Variants in CACNB2 observed in about 807,000 individuals in gnomAD.
CACNB2 encodes calcium voltage-gated channel auxiliary subunit beta 2.
Under a neutral mutation model 73.3 loss-of-function variants are expected in CACNB2, and 42 were observed. That is an observed-to-expected ratio of 0.57 (90% CI 0.45 to 0.74). The LOEUF (loss-of-function observed/expected upper bound fraction) is 0.74. Ranked by LOEUF, CACNB2 falls within the 30% of genes least tolerant of loss-of-function variation. The pLI, the probability that CACNB2 is intolerant of heterozygous loss-of-function variation, is 0.00. For missense variants in CACNB2, 940 were observed against 853.0 expected, an observed-to-expected ratio of 1.10 and a Z score of -1.27; for synonymous variants, 348 against 310.3, an observed-to-expected ratio of 1.12 and a Z score of -1.28.
chr10:18,468,530 C>G (rs571634878), intron 3 of CACNB2, among the ~76,000 whole-genome samples: 19 of 152,162 alleles, frequency 1.2e-4, no homozygotes, highest in Non-Finnish European at 2.4e-4. Context: ...AAGTTCACCC[C>G]AAACTTAGTA....
chr10:18,194,244 T>C (rs945580457), intron 2 of CACNB2, among the ~76,000 whole-genome samples: 1 of 152,148 alleles, frequency 6.6e-6, no homozygotes, highest in Non-Finnish European at 1.5e-5. Flanking sequence ...TACACTAAGA[T>C]GTCTTTGCAG....
intron 3 of CACNB2, among the ~76,000 whole-genome samples, chr10:18,409,079 C>T (rs891646096): frequency 2.0e-5 from 3 of 151,976 alleles, no homozygotes; most frequent in Non-Finnish European, 4.4e-5. Context: ...AGATGGATCA[C>T]CTGAGGTCAG....
intron 3 of CACNB2, among the ~76,000 whole-genome samples, chr10:18,452,175 A>G (rs2047050008): frequency 6.6e-6 from 1 of 152,158 alleles, no homozygotes; most frequent in Non-Finnish European, 1.5e-5. Context: ...TTTAATCCCA[A>G]CACTTTGGGA....
chr10:18,344,595 C>A (rs1262011205), intron 2 of CACNB2, among the ~76,000 whole-genome samples: 2 of 152,022 alleles, frequency 1.3e-5, no homozygotes, highest in Non-Finnish European at 2.9e-5. Context: ...TGGTCTCGAA[C>A]TCCTGACCTC....
At chr10:18,322,345 G>T (rs989670285) in intron 2 of CACNB2, among the ~76,000 whole-genome samples, 2 of 152,146 alleles carry the variant, frequency 1.3e-5, no homozygotes, top group African/African-American at 4.8e-5. Flanking sequence ...GGATGAAATC[G>T]CATGATTTGT....
In CACNB2 at chr10:18,391,144, G is replaced by C. The variant is rs561774891; in HGVS notation, c.214-10780G>C. 5.3e-5 allele frequency among the ~76,000 whole-genome samples: 8 copies of C among 152,270 alleles called. No homozygotes were observed. The South Asian group carries it at 1.7e-3, about 32-fold the overall frequency. ...TGAAACATGGTTATTTAATCAACTGGCCTATAGTTGACATTTGCACCAAGT... is the reference window on the plus strand; with the variant it reads ...TGAAACATGGTTATTTAATCAACTGCCCTATAGTTGACATTTGCACCAAGT... On this transcript the variant is annotated intron_variant, in intron 2 of 13. Coordinates refer to ENST00000324631, the MANE Select transcript of CACNB2 (RefSeq NM_201596.3).
chr10:18,242,482 A>G (rs890766764), intron 2 of CACNB2, among the ~76,000 whole-genome samples: 8 of 152,348 alleles, frequency 5.3e-5, no homozygotes, highest in Non-Finnish European at 1.0e-4. Flanking sequence ...AGCAGCACAT[A>G]CTGTTATTTT....
At position 18,527,664 on chromosome 10, in the gene CACNB2, A is replaced by G. The variant is rs2052613832; in HGVS notation, c.1021A>G (p.Ile341Val). Residue 341 changes from isoleucine to valine, a missense_variant, in exon 10 of 14, where the codon ATA becomes GTA. Transcript: ENST00000324631. ...ATTAAACAATCCCAGTAAGCACGCA[A>G]TAATAGAAAGATCCAACACAAGGTC... Reference protein sequence around the residue: ...SVLNNPSKHAIIERSNTRSSL... With the variant: ...SVLNNPSKHAVIERSNTRSSL... 15 of 1,613,784 alleles carry G rather than the reference A, an allele frequency of 9.3e-6. No individual in the cohort carries two copies. Among genetic ancestry groups the G allele is most frequent in the Non-Finnish European group, 1.1e-5 (13 of 1,179,778 alleles).
intron 2 of CACNB2, among the ~76,000 whole-genome samples, chr10:18,289,245 A>C (rs1329773816): frequency 1.3e-5 from 2 of 151,700 alleles, no homozygotes; most frequent in Non-Finnish European, 2.9e-5. Flanking sequence ...AGAATCATTC[A>C]AAATCAATCT....
chr10:18,214,051 G>A (rs1044372621), intron 2 of CACNB2, among the ~76,000 whole-genome samples: 7 of 152,028 alleles, frequency 4.6e-5, no homozygotes, highest in African/African-American at 1.7e-4. Context: ...TTTACTTCAC[G>A]TATCTGAAAA....
chr10:18,400,390 C>T (rs2043929510), intron 2 of CACNB2, among the ~76,000 whole-genome samples: 1 of 152,190 alleles, frequency 6.6e-6, no homozygotes, highest in South Asian at 2.1e-4. Context: ...GAAACAGACA[C>T]ACATACCACG....
chr10:18,241,419 C>T (rs2036644758), intron 2 of CACNB2, among the ~76,000 whole-genome samples: 1 of 152,120 alleles, frequency 6.6e-6, no homozygotes, highest in Non-Finnish European at 1.5e-5. Context: ...GAACATCACA[C>T]ACTGGGGCCT....
intron 2 of CACNB2, among the ~76,000 whole-genome samples, chr10:18,348,458 C>T (rs535937673): frequency 9.2e-5 from 14 of 152,130 alleles, no homozygotes; most frequent in African/African-American, 2.4e-4. Flanking sequence ...GATGGATGGA[C>T]GGACGGATGG....
intron 3 of CACNB2, among the ~76,000 whole-genome samples, chr10:18,433,854 C>A (rs537422870): frequency 6.6e-6 from 1 of 150,786 alleles, no homozygotes; most frequent in East Asian, 2.0e-4. Context: ...ACCATCAAAA[C>A]TATTGTCTTA....
chr10:18,178,972 C>T (rs2033740739), intron 2 of CACNB2, among the ~76,000 whole-genome samples: 1 of 152,122 alleles, frequency 6.6e-6, no homozygotes. Flanking sequence ...CTATAGAAAG[C>T]ACTTGAGACT....
At chr10:18,523,507 A>G (rs10828835) in intron 9 of CACNB2, among the ~76,000 whole-genome samples, 100,630 of 151,832 alleles carry the variant, frequency 0.66, 33,880 homozygotes, top group East Asian at 0.97. Flanking sequence ...AGTAACTTTC[A>G]TATGGTTTAA....
intron 2 of CACNB2, among the ~76,000 whole-genome samples, chr10:18,359,601 GTT>G (rs72465413): frequency 6.8e-6 from 1 of 147,854 alleles, no homozygotes; most frequent in East Asian, 2.0e-4. Context: ...ATTCTGTTTT[GTT>G]TTTTTTTTTC....
At chr10:18,408,421 T>C (rs2044418932) in intron 3 of CACNB2, among the ~76,000 whole-genome samples, 1 of 151,794 alleles carries the variant, frequency 6.6e-6, no homozygotes, top group Non-Finnish European at 1.5e-5. Context: ...GTATTTTTAA[T>C]AGAGACAGAG....
At chr10:18,342,226 T>C (rs2041262816) in intron 2 of CACNB2, among the ~76,000 whole-genome samples, 1 of 152,178 alleles carries the variant, frequency 6.6e-6, no homozygotes, top group Admixed American at 6.5e-5. Flanking sequence ...TAACCTAAAA[T>C]GCAAATTGCC....
Sources: gnomAD v4.1 joint callset for allele counts (sites outside exome capture counted in the v4.1 genomes callset) on GRCh38, gnomAD v4.1.1 for gene constraint, MANE v1.5 for transcripts, NCBI Gene and HGNC (gene_info 2026-07-23, HGNC 2026-07-21) for gene names.